Variants in ROCK1 observed in about 807,000 individuals in gnomAD.
ROCK1 encodes Rho associated coiled-coil containing protein kinase 1, also known as rho-associated protein kinase 1.
A neutral mutation model predicts 196.8 loss-of-function variants in ROCK1; 36 were observed. That is an observed-to-expected ratio of 0.18 (90% CI 0.14 to 0.24). The LOEUF (loss-of-function observed/expected upper bound fraction) is 0.24, where lower values mean the gene tolerates loss of function less well. Ranked by LOEUF, ROCK1 falls within the 10% of genes least tolerant of loss-of-function variation. The pLI, the probability that ROCK1 is intolerant of heterozygous loss-of-function variation, is 1.00. For synonymous variants in ROCK1, 443 were observed against 515.9 expected (o/e 0.86, Z 1.91); for missense variants, 920 against 1,562.0 (o/e 0.59, Z 6.93).
At chr18:21,103,438 TTTTG>T (rs910396360) in intron 1 of ROCK1, among the ~76,000 whole-genome samples, 3 of 151,834 alleles carry the variant, frequency 2.0e-5, no homozygotes, top group African/African-American at 7.3e-5. Flanking sequence ...GTCTCATAGA[TTTTG>T]TTTAATAAAT....
chr18:21,026,898 A>C (rs1376594365), intron 10 of ROCK1, among the ~76,000 whole-genome samples: 3 of 150,900 alleles, frequency 2.0e-5, no homozygotes, highest in Non-Finnish European at 4.4e-5. Flanking sequence ...AGTTCAATGC[A>C]TTATACTGGT....
chr18:20,995,587 G>T (rs2035664059), intron 16 of ROCK1, among the ~76,000 whole-genome samples: 1 of 152,094 alleles, frequency 6.6e-6, no homozygotes, highest in Non-Finnish European at 1.5e-5. Context: ...CCCAAGCCTG[G>T]CAGCATTGAG....
In ROCK1 at chr18:21,110,864, T is replaced by C. The variant is rs148393559; in HGVS notation, c.47A>G (p.Asn16Ser). The change falls in exon 1 of 33, where the codon AAC (asparagine) becomes AGC (serine). Residue 16 changes from asparagine (N) to serine (S), a missense_variant. Coordinates refer to ENST00000399799, the MANE Select transcript of ROCK1 (RefSeq NM_005406.3). ...SFETRFEKMD[N>S]LLRDPKSEVN... The stretch of plus-strand genomic sequence containing the variant: ...TTCCGATTTGGGATCCCGCAGCAGG[T>C]TGTCCATTTTTTCAAATCGAGTCTC... 56 of 1,614,208 alleles carry C rather than the reference T, an allele frequency of 3.5e-5. 1 individual carries two copies. The Middle Eastern group carries it at 4.9e-4, about 14-fold the overall frequency.
chr18:21,078,371 C>CAG (rs1174391281), intron 1 of ROCK1, among the ~76,000 whole-genome samples: 121 of 144,074 alleles, frequency 8.4e-4, no homozygotes, highest in African/African-American at 1.0e-3. Flanking sequence ...CACACACACA[C>CAG]ACAGAGAGAG....
intron 9 of ROCK1, among the ~76,000 whole-genome samples, chr18:21,035,243 CA>C (rs1225468934): frequency 6.6e-6 from 1 of 152,136 alleles, no homozygotes; most frequent in Non-Finnish European, 1.5e-5. Flanking sequence ...GGCGTTTCCT[CA>C]AAAAAATTAA....
intron 9 of ROCK1, among the ~76,000 whole-genome samples, chr18:21,034,780 G>A (rs930029202): frequency 6.6e-6 from 1 of 152,078 alleles, no homozygotes; most frequent in Non-Finnish European, 1.5e-5. Flanking sequence ...AACAAAAGAA[G>A]AAATAAACCA....
At chr18:21,045,760 A>C (rs2036150108) in intron 4 of ROCK1, among the ~76,000 whole-genome samples, 1 of 152,156 alleles carries the variant, frequency 6.6e-6, no homozygotes, top group African/African-American at 2.4e-5. Flanking sequence ...TAATATTTTC[A>C]GTAAATATAC....
At chr18:21,028,667 A>G (rs1285257009) in intron 10 of ROCK1, 109 bp downstream of exon 10, 1 of 895,360 alleles carries the variant, frequency 1.1e-6, no homozygotes. Flanking sequence ...AAAATTGCAT[A>G]ATAAGGTGTA....
intron 21 of ROCK1, among the ~76,000 whole-genome samples, chr18:20,981,459 T>C (rs1486403729): frequency 2.6e-5 from 4 of 152,190 alleles, no homozygotes; most frequent in African/African-American, 4.8e-5. Context: ...CTATAATATA[T>C]GCTTATTTCA....
Position 20,976,499 on chromosome 18 carries a change from G to A in ROCK1, c.2654+3411C>T, listed in dbSNP as rs80279901. On this transcript the variant is annotated intron_variant, in intron 22 of 32. Transcript: ENST00000399799. ...CATACTGGGCCAGTGTTATCATGTG[G>A]TAACAAATGGCTGGAACTGAGAAGG... 4.1e-4 allele frequency among the ~76,000 whole-genome samples: 63 copies of A among 152,276 alleles called. No homozygotes were observed. The East Asian group carries it at 8.9e-3, about 21-fold the overall frequency.
At chr18:21,045,872 T>A (rs2036151260) in intron 4 of ROCK1, among the ~76,000 whole-genome samples, 1 of 151,460 alleles carries the variant, frequency 6.6e-6, no homozygotes, top group Non-Finnish European at 1.5e-5. Context: ...AAGAAGTCTT[T>A]GATAAATTTG....
At chr18:21,007,401 T>G (rs920326317) in intron 14 of ROCK1, among the ~76,000 whole-genome samples, 1 of 152,196 alleles carries the variant, frequency 6.6e-6, no homozygotes, top group Non-Finnish European at 1.5e-5. Context: ...TATTCTACCA[T>G]ATAGATGTAC....
At chr18:21,106,629 C>T (rs1483928679) in intron 1 of ROCK1, among the ~76,000 whole-genome samples, 1 of 152,208 alleles carries the variant, frequency 6.6e-6, no homozygotes, top group African/African-American at 2.4e-5. Flanking sequence ...AGAGAAATAG[C>T]TCCCGATAAT....
At chr18:21,007,901 A>C (rs2035781855) in intron 14 of ROCK1, among the ~76,000 whole-genome samples, 158 bp downstream of exon 14, 1 of 152,148 alleles carries the variant, frequency 6.6e-6, no homozygotes, top group Non-Finnish European at 1.5e-5. Flanking sequence ...TTTAATTACT[A>C]TTTAATATGT....
At chr18:20,983,608 GGCT>G (rs2035552705) in intron 20 of ROCK1, among the ~76,000 whole-genome samples, 1 of 152,006 alleles carries the variant, frequency 6.6e-6, no homozygotes, top group South Asian at 2.1e-4. Flanking sequence ...AAAGGCATGT[GGCT>G]GACAGAAAGT....
At chr18:21,031,975 A>C (rs2036012419) in intron 9 of ROCK1, among the ~76,000 whole-genome samples, 1 of 152,232 alleles carries the variant, frequency 6.6e-6, no homozygotes. Context: ...ACAGAGACTA[A>C]GGAAACTGTG....
chr18:21,045,477 T>A lies in ROCK1; in HGVS notation c.415-10A>T, dbSNP rs201863440. 6.4e-7 allele frequency: 1 copy of A among 1,561,236 alleles called. No individual in the cohort carries two copies. The highest frequency in any genetic ancestry group is 1.2e-5 in the South Asian group (1 of 83,248). ...GGAATGCATAAAAAAGCTATACAAA[T>A]AGAAAAAACAAACAAAACACATTCA... On this transcript the variant is annotated splice_polypyrimidine_tract_variant and intron_variant, in intron 4 of 32. Coordinates refer to ENST00000399799, the MANE Select transcript of ROCK1 (RefSeq NM_005406.3).
chr18:21,051,305 T>C (rs2036202064), intron 2 of ROCK1, among the ~76,000 whole-genome samples: 1 of 152,054 alleles, frequency 6.6e-6, no homozygotes, highest in Non-Finnish European at 1.5e-5. Flanking sequence ...TTTTTAAAAA[T>C]TAGCTGGGTG....
chr18:21,072,182 T>C (rs1359587891), intron 1 of ROCK1, among the ~76,000 whole-genome samples: 1 of 152,196 alleles, frequency 6.6e-6, no homozygotes. Context: ...AAGTATTTGA[T>C]CATGTGTTTG....
Sources: gnomAD v4.1 joint callset for allele counts (sites outside exome capture counted in the v4.1 genomes callset) on GRCh38, gnomAD v4.1.1 for gene constraint, MANE v1.5 for transcripts, NCBI Gene and HGNC (gene_info 2026-07-23, HGNC 2026-07-21) for gene names.